Variants in ABLIM1 observed in about 807,000 individuals in gnomAD.
ABLIM1 encodes the protein actin-binding LIM protein 1.
A neutral mutation model predicts 107.0 loss-of-function variants in ABLIM1; 40 were observed. That is an observed-to-expected ratio of 0.37 (90% CI 0.29 to 0.49). The LOEUF is 0.49. ABLIM1 is among the 20% of genes least tolerant of loss of function. ABLIM1 has a pLI of 0.97. For missense variants in ABLIM1, 857 were observed against 1,008.5 expected, an observed-to-expected ratio of 0.85 and a Z score of 2.04; for synonymous variants, 357 against 357.3, an observed-to-expected ratio of 1.00 and a Z score of 0.01.
At chr10:114,689,119 C>A (rs1406179895), upstream of ABLIM1, among the ~76,000 whole-genome samples, 1 of 152,130 alleles carries the variant, frequency 6.6e-6, no homozygotes, top group Admixed American at 6.5e-5. Context: ...GCTTCTCTCA[C>A]CTCATGGCTA....
intron 2 of ABLIM1, among the ~76,000 whole-genome samples, chr10:114,601,105 C>G (rs1341964702): frequency 1.5e-5 from 2 of 136,288 alleles, no homozygotes; most frequent in Admixed American, 7.6e-5. Context: ...CACACACACA[C>G]AGAAGCCAGT....
chr10:114,748,322 C>T (rs995250545), intron 1 of ABLIM1, among the ~76,000 whole-genome samples: 7 of 152,080 alleles, frequency 4.6e-5, no homozygotes, highest in Non-Finnish European at 8.8e-5. Context: ...ATACCATCTG[C>T]GGTTGGCCAG....
At chr10:114,697,701 A>C (rs1466901423) in intron 1 of ABLIM1, among the ~76,000 whole-genome samples, 3 of 152,242 alleles carry the variant, frequency 2.0e-5, no homozygotes, top group Non-Finnish European at 2.9e-5. Context: ...CCCATCAATA[A>C]ATCCATTAAC....
intron 1 of ABLIM1, chr10:114,632,844 G>A (rs1420483781): frequency 6.3e-6 from 6 of 950,062 alleles, no homozygotes; most frequent in African/African-American, 1.8e-5. Context: ...CATCTAGTTC[G>A]GTCCACCACC....
chr10:114,477,634 G>A (rs1166585831), intron 8 of ABLIM1, among the ~76,000 whole-genome samples: 1 of 152,184 alleles, frequency 6.6e-6, no homozygotes, highest in Admixed American at 6.5e-5. Context: ...TGTAGGGAAG[G>A]GTCTTTAACA....
rs2065646477 is a variant in ABLIM1 at position 114,468,330 on chromosome 10, A to T, written c.1276-114T>A. The T allele has an allele frequency of 5.0e-6, 5 of 993,828 alleles. 1 individual carries two copies. The East Asian group carries it at 1.3e-4, about 25-fold the overall frequency. The allele number at this position is 993,828 out of a possible 1,614,324, so 61.6% of individuals were successfully genotyped here. On this transcript the variant is annotated intron_variant, in intron 10 of 22. Transcript: ENST00000533213. The stretch of plus-strand genomic sequence containing the variant: ...CGCTCTGTCGCCCAGGCTGGAGTGC[A>T]GTGGCGCAATCTCGGTTTACTGCAA...
At chr10:114,506,308 T>C (rs1405629599) in intron 6 of ABLIM1, among the ~76,000 whole-genome samples, 1 of 152,228 alleles carries the variant, frequency 6.6e-6, no homozygotes, top group Non-Finnish European at 1.5e-5. Context: ...TTGTGAACAG[T>C]GCTGCAAAGA....
At chr10:114,584,267 T>C (rs1240364752) in intron 2 of ABLIM1, among the ~76,000 whole-genome samples, 1 of 152,170 alleles carries the variant, frequency 6.6e-6, no homozygotes, top group African/African-American at 2.4e-5. Context: ...TCTCAATCAC[T>C]TCACCCCAAT....
At chr10:114,793,677 C>G in the ABLIM1 span, among the ~76,000 whole-genome samples, 1 of 152,140 alleles carries the variant, frequency 6.6e-6, no homozygotes, top group African/African-American at 2.4e-5. Context: ...GTGGCAGGAA[C>G]ACAGGAGCAG....
chr10:114,608,943 A>G (rs1219179648), intron 1 of ABLIM1, among the ~76,000 whole-genome samples: 1 of 151,638 alleles, frequency 6.6e-6, no homozygotes, highest in Non-Finnish European at 1.5e-5. Context: ...TGAACACAGG[A>G]GATGGAGGGT....
chr10:114,694,545 A>G (rs1318482792), intron 1 of ABLIM1, among the ~76,000 whole-genome samples: 1 of 152,188 alleles, frequency 6.6e-6, no homozygotes, highest in African/African-American at 2.4e-5. Context: ...AAGTTATTTT[A>G]TCTATACGTA....
At chr10:114,527,790 G>A (rs1433838070) in intron 6 of ABLIM1, among the ~76,000 whole-genome samples, 1 of 150,272 alleles carries the variant, frequency 6.7e-6, no homozygotes, top group African/African-American at 2.5e-5. Context: ...TCAGCCTCCT[G>A]AGTAGCTGGG....
intron 6 of ABLIM1, among the ~76,000 whole-genome samples, chr10:114,492,736 C>T (rs755278141): frequency 6.6e-6 from 1 of 152,198 alleles, no homozygotes; most frequent in Non-Finnish European, 1.5e-5. Flanking sequence ...ACCATCAAAA[C>T]ATTTATTCTG....
intron 6 of ABLIM1, among the ~76,000 whole-genome samples, chr10:114,493,038 G>A (rs909705212): frequency 1.3e-5 from 2 of 152,124 alleles, no homozygotes; most frequent in Non-Finnish European, 2.9e-5. Context: ...TCTTGTCCTC[G>A]TCCACATGCT....
exon 1 of ABLIM1, chr10:114,684,507 T>A: frequency 7.0e-7 from 1 of 1,426,550 alleles, no homozygotes; most frequent in African/African-American, 1.4e-5. Flanking sequence ...CACCGGTGGG[T>A]GTGCCACAGC....
At chr10:114,762,570 TCTTA>T (rs1458758593) in intron 1 of ABLIM1, among the ~76,000 whole-genome samples, 1 of 152,206 alleles carries the variant, frequency 6.6e-6, no homozygotes, top group Non-Finnish European at 1.5e-5. Flanking sequence ...TTAAAGCTGT[TCTTA>T]CTTACTACCA....
intron 16 of ABLIM1, among the ~76,000 whole-genome samples, chr10:114,444,538 C>T (rs2060733101): frequency 6.6e-6 from 1 of 151,826 alleles, no homozygotes; most frequent in Non-Finnish European, 1.5e-5. Context: ...GTAATACATG[C>T]TAATTTTACA....
In ABLIM1 at chr10:114,598,714, TTGAAA is replaced by T. The variant is rs146770274; in HGVS notation, c.379+3108_379+3112del. Among the ~76,000 whole-genome samples, 356 of 152,358 alleles carry T rather than the reference TTGAAA, an allele frequency of 2.3e-3. 3 individuals are homozygous for T. Among genetic ancestry groups the T allele is most frequent in the African/African-American group, 8.3e-3 (346 of 41,572 alleles). On this transcript the variant is annotated intron_variant, in intron 2 of 22. Coordinates refer to ENST00000533213, the MANE Select transcript of ABLIM1 (RefSeq NM_002313.7). Reference sequence around the variant, plus strand: ...ATCTCAATACTTTTTATATTACTTGTTGAAATGATAATATTTTAGATAGGGTTAAA... The same window carrying T: ...ATCTCAATACTTTTTATATTACTTGTTGATAATATTTTAGATAGGGTTAAA...
At chr10:114,519,403 G>A (rs540631826) in intron 6 of ABLIM1, among the ~76,000 whole-genome samples, 5 of 152,170 alleles carry the variant, frequency 3.3e-5, no homozygotes, top group Admixed American at 6.5e-5. Context: ...GGAACCAGCC[G>A]GCCAGGTTGC....
Sources: allele counts gnomAD v4.1 joint callset (sites outside exome capture counted in the v4.1 genomes callset), GRCh38; gene constraint gnomAD v4.1.1; transcripts MANE v1.5; gene names NCBI Gene and HGNC (gene_info 2026-07-23, HGNC 2026-07-21).